The following MMRN1 variants were observed in gnomAD, a reference collection of about 807,000 sequenced individuals.
MMRN1 encodes multimerin 1.
In MMRN1, 94 loss-of-function variants were observed where a neutral mutation model predicts 100.7. The observed-to-expected ratio is 0.93, with a 90% CI of 0.79 to 1.11. MMRN1 has a LOEUF of 1.11. Among genes scored for constraint, MMRN1 ranks in the 50% least tolerant of loss-of-function variants. The pLI is 0.00. For missense variants in MMRN1, 1,606 were observed against 1,439.1 expected (o/e 1.12, Z -1.88); for synonymous variants, 575 against 505.0 (o/e 1.14, Z -1.86).
upstream of MMRN1, among the ~76,000 whole-genome samples, chr4:89,889,909 C>T (rs999380424): frequency 4.6e-5 from 7 of 152,024 alleles, no homozygotes; most frequent in Non-Finnish European, 1.0e-4. Flanking sequence ...ATTTCTATAC[C>T]TTGGAAGACA....
chr4:89,944,338 T>A (rs946381883), intron 6 of MMRN1, among the ~76,000 whole-genome samples: 1 of 152,222 alleles, frequency 6.6e-6, no homozygotes, highest in African/African-American at 2.4e-5. Context: ...TATTGCCAAG[T>A]TTCTCTTCAG....
At chr4:89,921,327 A>G (rs1160357006) in intron 3 of MMRN1, among the ~76,000 whole-genome samples, 1 of 152,050 alleles carries the variant, frequency 6.6e-6, no homozygotes, top group African/African-American at 2.4e-5. Flanking sequence ...TAGAAGTTCT[A>G]CCTCCAAAAG....
At chr4:89,943,163 C>T (rs1204860508) in intron 6 of MMRN1, among the ~76,000 whole-genome samples, 2 of 152,010 alleles carry the variant, frequency 1.3e-5, no homozygotes, top group Admixed American at 6.6e-5. Context: ...CTGATGTGGA[C>T]GTTAGCATAT....
At chr4:89,897,192 T>C (rs1307494742) in intron 1 of MMRN1, among the ~76,000 whole-genome samples, 1 of 151,576 alleles carries the variant, frequency 6.6e-6, no homozygotes, top group Non-Finnish European at 1.5e-5. Context: ...TTGTGAGCTT[T>C]TCAGAGATGC....
rs111636739 is a variant in MMRN1, at chr4:89,934,983, G to C, written c.1303G>C (p.Val435Leu). Residue 435 changes from valine to leucine, a missense_variant, in exon 6 of 8, where the codon GTT (valine) becomes CTT (leucine). Val to Leu is a conservative substitution (Grantham distance 32). Coordinates refer to ENST00000264790, the MANE Select transcript of MMRN1 (RefSeq NM_007351.3). The part of the protein sequence containing the change: ...QIIQKVNESV[V>L]SIAAQQKFVL... ...AATTCAAAAAGTTAATGAATCTGTG[G>C]TTTCAATAGCAGCCCAGCAAAAGTT... 37 of 1,613,256 alleles carry C rather than the reference G, an allele frequency of 2.3e-5. No homozygotes were observed. The African/African-American group carries it at 3.3e-4, about 15-fold the overall frequency.
chr4:89,926,252 T>TG lies in MMRN1; in HGVS notation c.956-1536dup, dbSNP rs562351138. Among the ~76,000 whole-genome samples, 11 of 152,242 alleles carry TG rather than the reference T, an allele frequency of 7.2e-5. No homozygotes were observed. The East Asian group carries it at 1.4e-3, about 19-fold the overall frequency. The stretch of plus-strand genomic sequence containing the variant: ...AACTTACATTCCTACCAACAGGGTA[T>TG]GGGGGGGTTCCCTTTCTCCATATCC... On this transcript the variant is annotated intron_variant, in intron 4 of 7. Coordinates refer to ENST00000264790, the MANE Select transcript of MMRN1 (RefSeq NM_007351.3).
chr4:89,931,568 G>T (rs890475311), intron 5 of MMRN1, among the ~76,000 whole-genome samples: 1 of 152,076 alleles, frequency 6.6e-6, no homozygotes, highest in African/African-American at 2.4e-5. Context: ...CTGAGACAGG[G>T]TAATTTATAT....
chr4:89,888,413 A>C (rs1007318765), intron 1 of MMRN1, among the ~76,000 whole-genome samples: 13 of 149,954 alleles, frequency 8.7e-5, no homozygotes, highest in African/African-American at 3.2e-4. Flanking sequence ...AGTTAGCTAT[A>C]ATTGTGTTCC....
chr4:89,888,257 C>T (rs1025377849), intron 1 of MMRN1, among the ~76,000 whole-genome samples: 2 of 151,784 alleles, frequency 1.3e-5, no homozygotes, highest in African/African-American at 4.8e-5. Context: ...CACGTTTTAC[C>T]TATTAAAGAT....
chr4:89,906,590 T>C (rs1721572477), intron 1 of MMRN1, among the ~76,000 whole-genome samples: 1 of 151,584 alleles, frequency 6.6e-6, no homozygotes, highest in Non-Finnish European at 1.5e-5. Context: ...AAAATGCTTG[T>C]CTGGGATCAT....
intron 1 of MMRN1, among the ~76,000 whole-genome samples, chr4:89,906,323 A>G (rs949499484): frequency 1.3e-5 from 2 of 151,626 alleles, no homozygotes; most frequent in African/African-American, 2.4e-5. Flanking sequence ...GCATTTGCTC[A>G]TAACCAAAGA....
chr4:89,935,535 C>G lies in MMRN1; in HGVS notation c.1855C>G (p.Gln619Glu), dbSNP rs1225499102. The change falls in exon 6 of 8, where the codon CAA (glutamine) becomes GAA (glutamate). Residue 619 changes from glutamine to glutamate, a missense_variant. Transcript: ENST00000264790. ...AGAAGAGAATTTACATGTGTTAAAT[C>G]AAACATTGGCTGAAGTTCTCTTTCC... Reference protein sequence around the residue: ...DTEENLHVLNQTLAEVLFPMD... With the variant: ...DTEENLHVLNETLAEVLFPMD... 1 of 1,613,006 alleles carries G rather than the reference C, an allele frequency of 6.2e-7. No individual in the cohort carries two copies. The highest frequency in any genetic ancestry group is 2.2e-5 in the East Asian group (1 of 44,830).
In MMRN1 at chr4:89,936,328, G is replaced by A. The variant is rs12646270; in HGVS notation, c.2648G>A (p.Gly883Asp). 0.056 allele frequency: 91,028 copies of A among 1,612,506 alleles called. 4,176 individuals are homozygous for A. The highest frequency in any genetic ancestry group is 0.29 in the East Asian group (13,012 of 44,746). Reference protein sequence around the residue: ...LIPYYISVKKGSVVTNERDQA... With the variant: ...LIPYYISVKKDSVVTNERDQA... ...CCTTATTATATTTCAGTTAAAAAAG[G>A]CAGTGTAGTTACAAATGAGAGAGAT... The change falls in exon 6 of 8, where the codon GGC becomes GAC. Residue 883 changes from glycine to aspartate, a missense_variant. Coordinates refer to ENST00000264790, the MANE Select transcript of MMRN1 (RefSeq NM_007351.3).
chr4:89,946,106 T>C (rs528076523), intron 6 of MMRN1, among the ~76,000 whole-genome samples: 1 of 152,258 alleles, frequency 6.6e-6, no homozygotes, highest in East Asian at 1.9e-4. Flanking sequence ...ATATAAACAG[T>C]TTTGACAAAT....
chr4:89,910,682 G>A (rs1414775650), intron 2 of MMRN1, among the ~76,000 whole-genome samples: 1 of 151,396 alleles, frequency 6.6e-6, no homozygotes, highest in Non-Finnish European at 1.5e-5. Flanking sequence ...AACTATGAGA[G>A]TGCAGATAGT....
At chr4:89,936,858 G>C (rs1722663171) in intron 6 of MMRN1, 60 bp downstream of exon 6, 5 of 1,446,388 alleles carry the variant, frequency 3.5e-6, no homozygotes, top group Admixed American at 2.3e-5. Flanking sequence ...ATATTTAATA[G>C]ATCTGTACAG....
intron 5 of MMRN1, among the ~76,000 whole-genome samples, chr4:89,933,149 G>T (rs1407135163): frequency 2.0e-5 from 3 of 152,146 alleles, no homozygotes; most frequent in Non-Finnish European, 4.4e-5. Flanking sequence ...CAAGTTCAAA[G>T]TTCCACAGAT....
intron 6 of MMRN1, among the ~76,000 whole-genome samples, chr4:89,940,809 AT>A (rs1722799496): frequency 6.6e-6 from 1 of 152,116 alleles, no homozygotes; most frequent in Non-Finnish European, 1.5e-5. Flanking sequence ...TTTTCTCAAC[AT>A]TTTCACTTAA....
chr4:89,897,625 G>C (rs1052628583), intron 1 of MMRN1, among the ~76,000 whole-genome samples: 1 of 152,144 alleles, frequency 6.6e-6, no homozygotes, highest in East Asian at 1.9e-4. Flanking sequence ...GTCATAATTA[G>C]AACTAGTAAC....
Sources: gnomAD v4.1 joint callset for allele counts (sites outside exome capture counted in the v4.1 genomes callset) on GRCh38, gnomAD v4.1.1 for gene constraint, MANE v1.5 for transcripts, NCBI Gene and HGNC (gene_info 2026-07-23, HGNC 2026-07-21) for gene names.